CFAP70: variants seen among roughly 807,000 people sequenced by gnomAD.
The protein encoded by CFAP70 is cilia and flagella associated protein 70.
A neutral mutation model predicts 137.6 loss-of-function variants in CFAP70; 81 were observed. The observed-to-expected ratio is 0.59, with a 90% confidence interval of 0.49 to 0.71. The LOEUF (loss-of-function observed/expected upper bound fraction) is 0.71. Ranked by LOEUF, CFAP70 falls within the 30% of genes least tolerant of loss-of-function variation. The pLI, the probability that CFAP70 is intolerant of heterozygous loss-of-function variation, is 0.00. For missense variants in CFAP70, 976 were observed against 1,226.7 expected, an observed-to-expected ratio of 0.80 and a Z score of 3.05; for synonymous variants, 382 against 423.6, an observed-to-expected ratio of 0.90 and a Z score of 1.20.
At chr10:73,351,043 ATATG>A (rs1463899751) in intron 3 of CFAP70, among the ~76,000 whole-genome samples, 58 of 92,066 alleles carry the variant, frequency 6.3e-4, no homozygotes, top group Non-Finnish European at 8.2e-4. Flanking sequence ...ATGTGTGTAT[ATATG>A]TGTGTGTGTG....
intron 3 of CFAP70, among the ~76,000 whole-genome samples, chr10:73,349,945 ACAAT>A (rs1018514264): frequency 1.1e-4 from 16 of 152,332 alleles, no homozygotes; most frequent in African/African-American, 3.8e-4. Context: ...CTAGAAAACC[ACAAT>A]CAGTTTACCA....
At chr10:73,274,687 G>T in intron 22 of CFAP70, 93 bp from the exon 24 acceptor site, 1 of 1,165,918 alleles carries the variant, frequency 8.6e-7, no homozygotes, top group Non-Finnish European at 1.2e-6. Context: ...TAGATAGATT[G>T]TCCATTTCCT....
At chr10:73,268,995 G>A (rs552839301) in intron 25 of CFAP70, among the ~76,000 whole-genome samples, 6 of 152,026 alleles carry the variant, frequency 3.9e-5, no homozygotes, top group African/African-American at 1.2e-4. Flanking sequence ...CCAGACCTCA[G>A]GTATTTTTAA....
chr10:73,270,443 C>G (rs1175911399), intron 24 of CFAP70, among the ~76,000 whole-genome samples: 1 of 112,062 alleles, frequency 8.9e-6, no homozygotes, highest in East Asian at 4.3e-4. Flanking sequence ...CTCCTCTCCC[C>G]TCCCCTCCCC....
intron 19 of CFAP70, among the ~76,000 whole-genome samples, chr10:73,283,073 G>C (rs2047383578): frequency 6.6e-6 from 1 of 151,180 alleles, no homozygotes; most frequent in Admixed American, 6.6e-5. Context: ...CTTCAAGTGA[G>C]CTGTCAGCCT....
At chr10:73,317,838 T>C (rs548243687) in intron 9 of CFAP70, among the ~76,000 whole-genome samples, 1 of 152,290 alleles carries the variant, frequency 6.6e-6, no homozygotes, top group East Asian at 1.9e-4. Flanking sequence ...TCCCGTGTTG[T>C]AGGTAGGGCC....
At position 73,291,267 on chromosome 10, in the gene CFAP70, G is replaced by A. The variant is rs145172595; in HGVS notation, c.2198C>T (p.Thr733Ile). ...CTTGATTGCTGTTGCAGAACCATTTGTGATTCCCCAAGGGCCTAAACTAGA... is the reference window on the plus strand; with the variant it reads ...CTTGATTGCTGTTGCAGAACCATTTATGATTCCCCAAGGGCCTAAACTAGA... The change falls in exon 19 of 27, where the codon ACA becomes ATA. Residue 733 changes from threonine (T) to isoleucine (I), a missense_variant. Transcript: ENST00000310715. The A allele has an allele frequency of 7.7e-5, 125 of 1,614,032 alleles. No homozygotes were observed. Among genetic ancestry groups the A allele is most frequent in the Non-Finnish European group, 1.5e-5 (18 of 1,180,016 alleles).
At chr10:73,310,320 G>A (rs2049803376) in intron 11 of CFAP70, 71 bp from the exon 13 acceptor site, 1 of 1,006,266 alleles carries the variant, frequency 9.9e-7, no homozygotes, top group Non-Finnish European at 1.5e-6. Flanking sequence ...AACATAAGAT[G>A]ATGCTCACAA....
chr10:73,312,796 C>T (rs1231694371), intron 9 of CFAP70, among the ~76,000 whole-genome samples, 153 bp from the exon 11 acceptor site: 1 of 152,048 alleles, frequency 6.6e-6, no homozygotes, highest in Non-Finnish European at 1.5e-5. Flanking sequence ...ATTGTATTTC[C>T]CTCCTTCTAG....
chr10:73,269,652 C>T, exon 25 of CFAP70: 1 of 1,613,764 alleles, frequency 6.2e-7, no homozygotes, highest in Non-Finnish European at 8.5e-7. Flanking sequence ...CATACTTCAG[C>T]ATTGTAGTTG....
chr10:73,310,416 G>A (rs1024839631), intron 11 of CFAP70, 167 bp from the exon 13 acceptor site: 16 of 441,034 alleles, frequency 3.6e-5, no homozygotes, highest in Non-Finnish European at 5.6e-5. Context: ...AAAAATAACT[G>A]GAAAGAAATA....
Position 73,291,433 on chromosome 10 carries a change from C to A in CFAP70, c.2032G>T (p.Glu678Ter). 6.2e-7 allele frequency: 1 copy of A among 1,614,072 alleles called. No homozygotes were observed. Among genetic ancestry groups the A allele is most frequent in the Non-Finnish European group, 8.5e-7 (1 of 1,179,970 alleles). Residue 678 changes from glutamate (E) to a stop codon, truncating the protein, a stop_gained, in exon 19 of 27, where the codon GAA becomes TAA. Coordinates refer to ENST00000310715, the Ensembl canonical transcript of CFAP70. LOFTEE classifies it high-confidence loss of function. Reference sequence around the variant, plus strand: ...ATTCGAATATCATTGTTTTGAATTTCATAGTACAAACCTGGGGAAAGAAAA... The same window carrying A: ...ATTCGAATATCATTGTTTTGAATTTAATAGTACAAACCTGGGGAAAGAAAA...
At chr10:73,350,655 C>T (rs1045099164) in intron 3 of CFAP70, among the ~76,000 whole-genome samples, 2 of 151,964 alleles carry the variant, frequency 1.3e-5, no homozygotes, top group Non-Finnish European at 1.5e-5. Flanking sequence ...TTGTGAAATA[C>T]TTATAAAGGC....
At chr10:73,331,688 A>G (rs938828340) in intron 7 of CFAP70, among the ~76,000 whole-genome samples, 1 of 152,104 alleles carries the variant, frequency 6.6e-6, no homozygotes, top group African/African-American at 2.4e-5. Context: ...TCAAAAAAAA[A>G]ATTTTTTTTC....
intron 12 of CFAP70, among the ~76,000 whole-genome samples, chr10:73,303,071 A>AT (rs2049089425): frequency 6.6e-6 from 1 of 151,388 alleles, no homozygotes; most frequent in African/African-American, 2.4e-5. Context: ...TAATTTTTTT[A>AT]TTTTTAATAG....
At chr10:73,294,369 C>A (rs964052975) in intron 15 of CFAP70, 1 of 152,242 alleles carries the variant, frequency 6.6e-6, no homozygotes, top group Non-Finnish European at 1.5e-5. Flanking sequence ...TCATGATAAC[C>A]CACTCAGGCT....
chr10:73,299,595 T>G lies in CFAP70; in HGVS notation c.1317+10A>C. ...ATTACTTATCATTTCAACTTGGCTT[T>G]GGCACTTGCCTTCTGAGCTCCTCCT... On this transcript the variant is annotated intron_variant, in intron 13 of 26. Coordinates refer to ENST00000310715, the Ensembl canonical transcript of CFAP70. The G allele has an allele frequency of 6.2e-7, 1 of 1,612,314 alleles. No homozygotes were observed. The highest frequency in any genetic ancestry group is 8.5e-7 in the Non-Finnish European group (1 of 1,178,612).
At chr10:73,351,079 A>G (rs1446682848) in intron 3 of CFAP70, among the ~76,000 whole-genome samples, 33 of 76,060 alleles carry the variant, frequency 4.3e-4, no homozygotes, top group East Asian at 2.3e-3. Flanking sequence ...GTGTATATAT[A>G]TATATATATA....
chr10:73,306,981 CT>C (rs59582341), intron 12 of CFAP70, among the ~76,000 whole-genome samples: 3 of 151,886 alleles, frequency 2.0e-5, no homozygotes, highest in East Asian at 1.9e-4. Flanking sequence ...TTTCTCTCCT[CT>C]TTTTTTTGAT....
Sources: allele counts gnomAD v4.1 joint callset (sites outside exome capture counted in the v4.1 genomes callset), GRCh38; gene constraint gnomAD v4.1.1; transcripts MANE v1.5; gene names NCBI Gene and HGNC (gene_info 2026-07-23, HGNC 2026-07-21).